Variants in ERC2 observed in about 807,000 individuals in gnomAD.
ERC2 encodes ELKS/RAB6-interacting/CAST family member 2.
A neutral mutation model predicts 114.8 loss-of-function variants in ERC2; 42 were observed. That is an observed-to-expected ratio of 0.37 (90% CI 0.29 to 0.47). The LOEUF (loss-of-function observed/expected upper bound fraction) is 0.47, where lower values mean the gene tolerates loss of function less well. Ranked by LOEUF, ERC2 falls within the 20% of genes least tolerant of loss-of-function variation. ERC2 has a pLI of 0.99. For missense variants in ERC2, 939 were observed against 1,150.7 expected (o/e 0.82, Z 2.66); for synonymous variants, 454 against 425.5 (o/e 1.07, Z -0.82).
rs199531856 is a variant in ERC2 at position 56,135,379 on chromosome 3, T to C, written c.1473+4130A>G. The stretch of plus-strand genomic sequence containing the variant: ...TTGAAGTATAGAAGTCCGAGGTCTA[T>C]AAATGCACATACCAAAAATTCAAAA... On this transcript the variant is annotated intron_variant, in intron 6 of 17. Transcript: ENST00000288221. 4.6e-5 allele frequency among the ~76,000 whole-genome samples: 7 copies of C among 152,286 alleles called. No individual in the cohort carries two copies. In the East Asian group the frequency reaches 1.4e-3, roughly 29 times the overall value.
At chr3:55,599,284 G>A (rs1575716147) in intron 17 of ERC2, among the ~76,000 whole-genome samples, 1 of 152,190 alleles carries the variant, frequency 6.6e-6, no homozygotes, top group Admixed American at 6.5e-5. Context: ...GCTCCTCCAC[G>A]TCCCCTGCAA....
intron 2 of ERC2, among the ~76,000 whole-genome samples, chr3:56,405,465 G>A (rs2060680393): frequency 6.6e-6 from 1 of 151,960 alleles, no homozygotes. Context: ...GACCCAGACT[G>A]GGCAGTAGCC....
At chr3:56,429,144 T>C (rs956667159) in intron 2 of ERC2, among the ~76,000 whole-genome samples, 1 of 152,166 alleles carries the variant, frequency 6.6e-6, no homozygotes, top group East Asian at 1.9e-4. Context: ...CACTCCTATG[T>C]TTCCTCTCTT....
At position 56,080,903 on chromosome 3, in the gene ERC2, C is replaced by G; in HGVS notation, c.1555G>C (p.Glu519Gln). ...KTKQLQDLTE[E>Q]KGTLAGEIRD... ...ATTTCACCGGCCAGTGTCCCCTTCT[C>G]TTCTGTGAGGTCCTGTAGCTGTTTT... The change falls in exon 7 of 18, where the codon GAG becomes CAG. Residue 519 changes from glutamate (E) to glutamine (Q), a missense_variant. Glu to Gln is a conservative substitution (Grantham distance 29). Coordinates refer to ENST00000288221, the MANE Select transcript of ERC2 (RefSeq NM_015576.3). The G allele has an allele frequency of 1.2e-6, 2 of 1,613,760 alleles. No individual in the cohort carries two copies. The highest frequency in any genetic ancestry group is 1.7e-6 in the Non-Finnish European group (2 of 1,179,768).
chr3:56,281,163 C>T (rs2054312736), intron 3 of ERC2, among the ~76,000 whole-genome samples: 3 of 152,142 alleles, frequency 2.0e-5, no homozygotes, highest in Admixed American at 6.5e-5. Context: ...ACAGGCCGGG[C>T]ACGGTGGCTC....
chr3:55,944,690 T>C (rs573065489), intron 13 of ERC2, among the ~76,000 whole-genome samples: 1 of 152,344 alleles, frequency 6.6e-6, no homozygotes, highest in South Asian at 2.1e-4. Flanking sequence ...GAGTAATGAT[T>C]TTAACTCAAG....
intron 1 of ERC2, among the ~76,000 whole-genome samples, chr3:56,450,969 G>T (rs1048586087): frequency 6.6e-6 from 1 of 151,970 alleles, no homozygotes. Flanking sequence ...ATTATTCATC[G>T]CCCCATAAAG....
intron 2 of ERC2, among the ~76,000 whole-genome samples, chr3:56,373,048 A>T (rs1021662579): frequency 6.6e-6 from 1 of 152,252 alleles, no homozygotes; most frequent in Non-Finnish European, 1.5e-5. Context: ...TTTGACAAAT[A>T]CAGAATGTAA....
intron 3 of ERC2, among the ~76,000 whole-genome samples, chr3:56,269,751 G>C (rs2150290207): frequency 6.6e-6 from 1 of 152,250 alleles, no homozygotes; most frequent in South Asian, 2.1e-4. Flanking sequence ...TGAAGAAAAG[G>C]CTCCAATCTG....
At chr3:55,860,448 T>C (rs954694461) in intron 14 of ERC2, among the ~76,000 whole-genome samples, 3 of 152,180 alleles carry the variant, frequency 2.0e-5, no homozygotes, top group African/African-American at 7.2e-5. Context: ...CTTTTCTTTT[T>C]TGGTATGTAG....
intron 2 of ERC2, among the ~76,000 whole-genome samples, chr3:56,427,779 C>T (rs2061627793): frequency 6.6e-6 from 1 of 152,150 alleles, no homozygotes; most frequent in African/African-American, 2.4e-5. Flanking sequence ...AAGCAACCTG[C>T]TGACACCTTG....
At chr3:55,946,934 G>A (rs950208636) in intron 13 of ERC2, among the ~76,000 whole-genome samples, 12 of 152,232 alleles carry the variant, frequency 7.9e-5, no homozygotes, top group Admixed American at 4.6e-4. Flanking sequence ...AGTCAAGTTC[G>A]GCTAACTAGG....
chr3:55,806,299 C>G (rs1444675726), intron 14 of ERC2, among the ~76,000 whole-genome samples: 3 of 148,646 alleles, frequency 2.0e-5, no homozygotes, highest in African/African-American at 7.5e-5. Flanking sequence ...CATGCCACTG[C>G]ACTCCAGTCT....
chr3:55,955,017 G>A (rs2067841321), intron 12 of ERC2: 1 of 398,714 alleles, frequency 2.5e-6, no homozygotes, highest in Admixed American at 2.7e-5. Flanking sequence ...AAGCCTTCAG[G>A]ATATACTGTT....
intron 15 of ERC2, among the ~76,000 whole-genome samples, chr3:55,720,644 T>C (rs1293844196): frequency 1.3e-5 from 2 of 152,126 alleles, no homozygotes; most frequent in African/African-American, 4.8e-5. Context: ...TCTTCACAGA[T>C]AAATGAGTAC....
chr3:55,839,308 G>A (rs891538356), intron 14 of ERC2, among the ~76,000 whole-genome samples: 2 of 151,672 alleles, frequency 1.3e-5, no homozygotes, highest in Non-Finnish European at 3.0e-5. Context: ...TTCTTCACTA[G>A]TAGATCTGCA....
At chr3:56,232,878 A>G (rs1343501137) in intron 3 of ERC2, among the ~76,000 whole-genome samples, 1 of 152,188 alleles carries the variant, frequency 6.6e-6, no homozygotes, top group South Asian at 2.1e-4. Context: ...ACCTTCAAAC[A>G]TGCCCTTCCT....
chr3:55,735,112 C>G (rs1254965957), intron 14 of ERC2, among the ~76,000 whole-genome samples, 194 bp from the exon 15 acceptor site: 1 of 152,168 alleles, frequency 6.6e-6, no homozygotes, highest in East Asian at 1.9e-4. Context: ...AGACTGCACA[C>G]TGCAGCCACT....
At chr3:56,437,415 G>A (rs1238284456) in intron 1 of ERC2, among the ~76,000 whole-genome samples, 1 of 152,208 alleles carries the variant, frequency 6.6e-6, no homozygotes, top group Non-Finnish European at 1.5e-5. Flanking sequence ...TGTCACTGAT[G>A]TTTTGTGGTG....
Sources: gnomAD v4.1 joint callset for allele counts (sites outside exome capture counted in the v4.1 genomes callset) on GRCh38, gnomAD v4.1.1 for gene constraint, MANE v1.5 for transcripts, NCBI Gene and HGNC (gene_info 2026-07-23, HGNC 2026-07-21) for gene names.